Variants in DOCK2 observed in about 807,000 individuals in gnomAD.
The protein encoded by DOCK2 is dedicator of cytokinesis 2, also known as dedicator of cytokinesis protein 2.
A neutral mutation model predicts 248.9 loss-of-function variants in DOCK2; 87 were observed. The observed-to-expected ratio is 0.35, with a 90% CI of 0.29 to 0.42. DOCK2 has a LOEUF of 0.42. Among genes scored for constraint, DOCK2 ranks in the 10% least tolerant of loss-of-function variants. DOCK2 has a pLI of 1.00. For missense variants in DOCK2, 1,747 were observed against 2,300.2 expected, an observed-to-expected ratio of 0.76 and a Z score of 4.92; for synonymous variants, 805 against 821.6, an observed-to-expected ratio of 0.98 and a Z score of 0.35.
In DOCK2 at chr5:169,682,111, G is replaced by A. The variant is rs571758574; in HGVS notation, c.606+232G>A. ...GGCAGGCAAGTTTCTTGATCTCTTG[G>A]AGCTTGTAGATTCCAGAAGGGGAAA... On this transcript the variant is annotated intron_variant, in intron 7 of 51. Transcript: ENST00000520908. Among the ~76,000 whole-genome samples, 5 of 152,310 alleles carry A rather than the reference G, an allele frequency of 3.3e-5. No homozygotes were observed. The East Asian group carries it at 7.7e-4, about 23-fold the overall frequency.
chr5:169,867,881 T>G (rs1275556444), intron 27 of DOCK2, among the ~76,000 whole-genome samples: 2 of 152,146 alleles, frequency 1.3e-5, no homozygotes, highest in African/African-American at 4.8e-5. Context: ...ACCCCTGCAT[T>G]GCAGCAAGGA....
chr5:169,648,125 G>A (rs568715426), intron 1 of DOCK2, among the ~76,000 whole-genome samples: 1 of 152,240 alleles, frequency 6.6e-6, no homozygotes, highest in South Asian at 2.1e-4. Flanking sequence ...TGGAGAGAGT[G>A]AAATCCAGCA....
rs1206531123 is a variant in DOCK2 at position 170,048,419 on chromosome 5, T to C, written c.4071+805T>C. 3.3e-5 allele frequency among the ~76,000 whole-genome samples: 5 copies of C among 152,168 alleles called. No individual in the cohort carries two copies. In the East Asian group the frequency reaches 5.8e-4, roughly 18 times the overall value. ...CAAAAAATAAATAAAATCTTAAAAA[T>C]AAAAATAGCACTAATAAACCCATTA... On this transcript the variant is annotated intron_variant, in intron 40 of 51. Transcript: ENST00000520908.
intron 33 of DOCK2, 106 bp downstream of exon 33, chr5:170,019,214 C>G (rs867451783): frequency 6.5e-7 from 1 of 1,535,882 alleles, no homozygotes; most frequent in Non-Finnish European, 8.9e-7. Flanking sequence ...AGAGGCTCGG[C>G]GGCAGGATAG....
intron 6 of DOCK2, among the ~76,000 whole-genome samples, chr5:169,677,898 G>T (rs987447234): frequency 3.9e-4 from 59 of 152,310 alleles, no homozygotes; most frequent in African/African-American, 1.3e-3. Context: ...GATGTGGGAG[G>T]CATGCAGGAG....
intron 32 of DOCK2, among the ~76,000 whole-genome samples, chr5:170,013,294 C>A (rs923323940): frequency 1.3e-5 from 2 of 152,048 alleles, no homozygotes; most frequent in Non-Finnish European, 2.9e-5. Flanking sequence ...TAACCAACAT[C>A]GAGCACTGTG....
chr5:170,078,325 T>G (rs1581579782), intron 48 of DOCK2, among the ~76,000 whole-genome samples: 1 of 152,286 alleles, frequency 6.6e-6, no homozygotes, highest in East Asian at 1.9e-4. Context: ...TGGCCATCAT[T>G]GTTGGACCCT....
intron 32 of DOCK2, among the ~76,000 whole-genome samples, chr5:170,012,221 G>A (rs1204451508): frequency 2.0e-5 from 3 of 151,856 alleles, no homozygotes; most frequent in African/African-American, 7.3e-5. Flanking sequence ...AATGACCAAC[G>A]ATCTACGCTT....
chr5:169,762,394 G>A lies in DOCK2; in HGVS notation c.2554+769G>A, dbSNP rs1764539310. On this transcript the variant is annotated intron_variant, in intron 25 of 51. Transcript: ENST00000520908. ...TTTTGGGAGATCATGGAATGACAGT[G>A]GATTTGCACAGAAGTTATGTTCAGA... Among the ~76,000 whole-genome samples the A allele has an allele frequency of 3.3e-5, 5 of 152,250 alleles. No homozygotes were observed. The South Asian group carries it at 1.0e-3, about 32-fold the overall frequency.
chr5:169,638,256 T>C (rs901530710), intron 1 of DOCK2, among the ~76,000 whole-genome samples: 1 of 151,332 alleles, frequency 6.6e-6, no homozygotes, highest in Non-Finnish European at 1.5e-5. Context: ...ATGCAGGGGG[T>C]CCCCAGGCCA....
At chr5:169,858,997 G>C (rs1301443247) in intron 27 of DOCK2, among the ~76,000 whole-genome samples, 3 of 152,212 alleles carry the variant, frequency 2.0e-5, no homozygotes, top group African/African-American at 7.2e-5. Context: ...CTGGGTGACA[G>C]AGTGAGACCC....
chr5:169,734,142 C>G (rs1276690471), intron 22 of DOCK2, among the ~76,000 whole-genome samples: 1 of 152,092 alleles, frequency 6.6e-6, no homozygotes, highest in African/African-American at 2.4e-5. Flanking sequence ...ACCAAGTTCT[C>G]TCTTTAGCTT....
intron 44 of DOCK2, among the ~76,000 whole-genome samples, chr5:170,064,466 G>GA (rs1757428083): frequency 1.3e-5 from 2 of 151,736 alleles, no homozygotes; most frequent in Admixed American, 1.3e-4. Flanking sequence ...TAACTGAACT[G>GA]AAAAATGCCA....
intron 10 of DOCK2, among the ~76,000 whole-genome samples, chr5:169,697,019 T>C (rs760284889): frequency 6.6e-6 from 1 of 152,142 alleles, no homozygotes; most frequent in Non-Finnish European, 1.5e-5. Flanking sequence ...GGTGTTTCTG[T>C]TAAGGCAGTA....
intron 27 of DOCK2, among the ~76,000 whole-genome samples, chr5:169,891,920 T>C (rs1581368695): frequency 6.9e-6 from 1 of 144,866 alleles, no homozygotes; most frequent in Non-Finnish European, 1.5e-5. Context: ...CGCTTGAACC[T>C]GGGAGGCGGA....
chr5:169,659,028 T>TATTATC (rs1554085174), intron 2 of DOCK2, among the ~76,000 whole-genome samples: 6 of 133,232 alleles, frequency 4.5e-5, no homozygotes, highest in Non-Finnish European at 6.5e-5. Flanking sequence ...TTATTATTAT[T>TATTATC]ATTATTGAGA....
chr5:169,896,430 G>A (rs981939078), intron 27 of DOCK2, among the ~76,000 whole-genome samples: 6 of 152,244 alleles, frequency 3.9e-5, no homozygotes, highest in Admixed American at 3.9e-4. Flanking sequence ...ATCTTTGTTG[G>A]AGGGTAAATT....
At chr5:169,809,320 A>G (rs1191523687) in intron 26 of DOCK2, among the ~76,000 whole-genome samples, 1 of 152,130 alleles carries the variant, frequency 6.6e-6, no homozygotes, top group Non-Finnish European at 1.5e-5. Context: ...CACAACTTAG[A>G]CATCAGTTGG....
At chr5:169,815,416 G>A (rs745812606) in intron 26 of DOCK2, among the ~76,000 whole-genome samples, 1 of 152,120 alleles carries the variant, frequency 6.6e-6, no homozygotes, top group Non-Finnish European at 1.5e-5. Context: ...AAAGAAGTTT[G>A]CCTACAGCCA....
Sources: gnomAD v4.1 joint callset for allele counts (sites outside exome capture counted in the v4.1 genomes callset) on GRCh38, gnomAD v4.1.1 for gene constraint, MANE v1.5 for transcripts, NCBI Gene and HGNC (gene_info 2026-07-23, HGNC 2026-07-21) for gene names.